The following RBMS1 variants were observed in gnomAD, a reference collection of about 807,000 sequenced individuals.
RBMS1 encodes the protein RNA-binding motif, single-stranded-interacting protein 1.
RBMS1 carries 17 observed loss-of-function variants against 62.3 expected under a neutral mutation model. The ratio of observed to expected loss-of-function variants is 0.27; its 90% CI spans 0.19 to 0.41. The LOEUF (loss-of-function observed/expected upper bound fraction) is 0.41. RBMS1 is among the 10% of genes least tolerant of loss of function. The pLI is 1.00. For synonymous variants in RBMS1, 172 were observed against 170.0 expected (o/e 1.01, Z -0.09); for missense variants, 334 against 504.5 (o/e 0.66, Z 3.24).
At position 160,391,898 on chromosome 2, in the gene RBMS1, T is replaced by C. The variant is rs146169746; in HGVS notation, c.76-24507A>G. 2.3e-3 allele frequency among the ~76,000 whole-genome samples: 344 copies of C among 151,840 alleles called. 5 individuals are homozygous for C. The highest frequency in any genetic ancestry group is 7.9e-3 in the African/African-American group (325 of 41,370). Reference sequence around the variant, plus strand: ...GAGGCTGAGGCAGGGAGGCGGAGGTTGCACCGAGCTGAGATCGCACCACTG... The same window carrying C: ...GAGGCTGAGGCAGGGAGGCGGAGGTCGCACCGAGCTGAGATCGCACCACTG... On this transcript the variant is annotated intron_variant, in intron 1 of 13. Coordinates refer to ENST00000348849, the MANE Select transcript of RBMS1 (RefSeq NM_016836.4).
intron 1 of RBMS1, among the ~76,000 whole-genome samples, chr2:160,404,524 T>G (rs1695593073): frequency 6.6e-6 from 1 of 152,292 alleles, no homozygotes; most frequent in East Asian, 1.9e-4. Flanking sequence ...AGCATCTACA[T>G]AGTATCAGGT....
rs577984372 is a variant in RBMS1, at chr2:160,483,435, G to A, written c.75+9854C>T. On this transcript the variant is annotated intron_variant, in intron 1 of 13. Transcript: ENST00000348849. ...GTTCAAAGTATTACATCATGTCTAT[G>A]GTTCCATAGCACACTTATACGTTAC... is the stretch of plus-strand genomic sequence containing the variant. Among the ~76,000 whole-genome samples, 2 of 152,082 alleles carry A rather than the reference G, an allele frequency of 1.3e-5. 1 individual carries two copies. The highest frequency in any genetic ancestry group is 4.2e-4 in the South Asian group (2 of 4,808).
chr2:160,484,312 G>A (rs1478610625), intron 1 of RBMS1, among the ~76,000 whole-genome samples: 1 of 151,734 alleles, frequency 6.6e-6, no homozygotes, highest in Admixed American at 6.6e-5. Context: ...TGGCTAACAC[G>A]GTGAAACCCC....
intron 1 of RBMS1, chr2:160,407,917 C>T: frequency 1.7e-5 from 17 of 980,542 alleles, no homozygotes; most frequent in Non-Finnish European, 2.1e-5. Context: ...AGCGCGCCGG[C>T]CGGGGGCGGG....
intron 6 of RBMS1, 136 bp from the exon 7 acceptor site, chr2:160,287,220 C>T: frequency 8.9e-7 from 1 of 1,117,374 alleles, no homozygotes; most frequent in Non-Finnish European, 1.3e-6. Context: ...GCAGTTTACT[C>T]AGACCTTTGT....
intron 1 of RBMS1, among the ~76,000 whole-genome samples, chr2:160,433,028 T>A (rs1682961949): frequency 6.6e-6 from 1 of 152,128 alleles, no homozygotes; most frequent in Non-Finnish European, 1.5e-5. Flanking sequence ...GAGCTACTCT[T>A]CTCTTCTGAG....
At chr2:160,481,073 T>A (rs1685348980) in intron 1 of RBMS1, among the ~76,000 whole-genome samples, 1 of 103,534 alleles carries the variant, frequency 9.7e-6, no homozygotes, top group African/African-American at 3.8e-5. Context: ...AGAGTGAGAC[T>A]GCCTTAAAAA....
chr2:160,448,982 C>T (rs886405847), intron 1 of RBMS1, among the ~76,000 whole-genome samples: 8 of 151,746 alleles, frequency 5.3e-5, no homozygotes, highest in Admixed American at 2.6e-4. Flanking sequence ...TCTGCCCGAC[C>T]GCCACCCTGT....
intron 9 of RBMS1, chr2:160,282,120 A>T: frequency 1.3e-6 from 1 of 750,312 alleles, no homozygotes; most frequent in Non-Finnish European, 2.1e-6. Context: ...TCCAGAGTCT[A>T]AGTAATTTTA....
At chr2:160,470,855 C>T (rs1306185317) in intron 1 of RBMS1, among the ~76,000 whole-genome samples, 1 of 152,188 alleles carries the variant, frequency 6.6e-6, no homozygotes, top group Non-Finnish European at 1.5e-5. Context: ...TAACAGGAAA[C>T]CAACATGGTG....
intron 1 of RBMS1, among the ~76,000 whole-genome samples, chr2:160,431,658 C>G (rs1183702939): frequency 6.6e-6 from 1 of 152,208 alleles, no homozygotes; most frequent in Non-Finnish European, 1.5e-5. Context: ...TTCCTCACCA[C>G]TAAGAACCAG....
chr2:160,326,693 C>T (rs892650437), intron 2 of RBMS1, among the ~76,000 whole-genome samples: 1 of 152,066 alleles, frequency 6.6e-6, no homozygotes, highest in South Asian at 2.1e-4. Context: ...TATTTATTTT[C>T]TTGCTTTTTG....
chr2:160,428,358 G>T (rs1042441024), intron 1 of RBMS1, among the ~76,000 whole-genome samples: 2 of 152,114 alleles, frequency 1.3e-5, no homozygotes, highest in African/African-American at 2.4e-5. Flanking sequence ...CTAAAAAGAG[G>T]TATTGGAAAG....
intron 1 of RBMS1, among the ~76,000 whole-genome samples, chr2:160,408,341 A>C (rs1695880838): frequency 6.6e-6 from 1 of 151,860 alleles, no homozygotes; most frequent in Non-Finnish European, 1.5e-5. Flanking sequence ...AGGTGTGGAC[A>C]ATCACCCCTA....
At position 160,431,349 on chromosome 2, in the gene RBMS1, C is replaced by T. The variant is rs190282959; in HGVS notation, c.75+61940G>A. 8.4e-4 allele frequency among the ~76,000 whole-genome samples: 127 copies of T among 151,838 alleles called. 1 individual carries two copies. Among genetic ancestry groups the T allele is most frequent in the African/African-American group, 2.9e-3 (121 of 41,444 alleles). ...TTCTTTTCTGAGGAAGCAAGCATCC[C>T]ACTATCTTTTGGTACAAAGGTTCTC... On this transcript the variant is annotated intron_variant, in intron 1 of 13. Transcript: ENST00000348849.
intron 1 of RBMS1, among the ~76,000 whole-genome samples, chr2:160,400,976 C>G (rs1695400244): frequency 6.6e-6 from 1 of 152,044 alleles, no homozygotes. Context: ...ATACAATTTT[C>G]TAGGTTTCGT....
chr2:160,380,487 G>A (rs571467864), intron 1 of RBMS1, among the ~76,000 whole-genome samples: 4 of 152,190 alleles, frequency 2.6e-5, no homozygotes, highest in South Asian at 4.1e-4. Flanking sequence ...AGAGCGCCCC[G>A]TACGATATCA....
chr2:160,477,021 C>G (rs1221684551), intron 1 of RBMS1, among the ~76,000 whole-genome samples: 2 of 152,162 alleles, frequency 1.3e-5, no homozygotes, highest in East Asian at 3.8e-4. Context: ...AGTCTTTTTC[C>G]CCTAGCATTA....
At chr2:160,410,668 A>G (rs367786918) in intron 1 of RBMS1, among the ~76,000 whole-genome samples, 1 of 152,252 alleles carries the variant, frequency 6.6e-6, no homozygotes, top group Non-Finnish European at 1.5e-5. Flanking sequence ...ACACATAGAA[A>G]GTAAGAAAAC....
Sources: gnomAD v4.1 joint callset for allele counts (sites outside exome capture counted in the v4.1 genomes callset) on GRCh38, gnomAD v4.1.1 for gene constraint, MANE v1.5 for transcripts, NCBI Gene and HGNC (gene_info 2026-07-23, HGNC 2026-07-21) for gene names.